Variants in PRKAR1A observed in about 807,000 individuals in gnomAD.
The protein encoded by PRKAR1A is cAMP-dependent protein kinase type I-alpha regulatory subunit.
In PRKAR1A, 3 loss-of-function variants were observed where a neutral mutation model predicts 52.0. The observed-to-expected ratio is 0.06, with a 90% CI of 0.03 to 0.15. The LOEUF is 0.15. Ranked by LOEUF, PRKAR1A falls within the 10% of genes least tolerant of loss-of-function variation. The pLI is 1.00. For missense variants in PRKAR1A, 240 were observed against 477.4 expected, an observed-to-expected ratio of 0.50 and a Z score of 4.63; for synonymous variants, 188 against 168.4, an observed-to-expected ratio of 1.12 and a Z score of -0.90.
rs138878546 is a variant in PRKAR1A at position 68,542,023 on chromosome 17, G to A, written c.974-9061G>A. 5.9e-5 allele frequency: 95 copies of A among 1,613,998 alleles called. No homozygotes were observed. The African/African-American group carries it at 8.7e-4, about 15-fold the overall frequency. On this transcript the variant is annotated intron_variant, in intron 11 of 11. Transcript: ENST00000585981. The stretch of plus-strand genomic sequence containing the variant: ...CCAGTGTGTAGGAGCGGATCCAGGG[G>A]TTGGGCACAGACAGCCTGGGGGCCA...
In PRKAR1A at chr17:68,540,055, G is replaced by A; in HGVS notation, c.973+10054G>A. 5 of 1,124,370 alleles carry A rather than the reference G, an allele frequency of 4.4e-6. No homozygotes were observed. In the South Asian group the frequency reaches 5.1e-5, roughly 12 times the overall value. The allele number at this position is 1,124,370 out of a possible 1,614,324, so 69.6% of individuals were successfully genotyped here. On this transcript the variant is annotated intron_variant, in intron 11 of 11. Transcript: ENST00000585981. ...AGTTCTCTCCAGGGAACGGAGGCCT[G>A]TCATCACTTGAGAGACAGGGGTGTG...
the PRKAR1A span, among the ~76,000 whole-genome samples, chr17:68,496,760 G>A: frequency 2.6e-5 from 4 of 151,686 alleles, no homozygotes; most frequent in African/African-American, 7.3e-5. Context: ...CTAAAAGAAG[G>A]GGTCAACAAA....
At chr17:68,479,170 A>G in the PRKAR1A span, among the ~76,000 whole-genome samples, 3 of 152,224 alleles carry the variant, frequency 2.0e-5, no homozygotes, top group Admixed American at 1.3e-4. Flanking sequence ...TGGTAATTAC[A>G]GCTATTATTT....
At chr17:68,507,238 A>G (rs1250958018), upstream of PRKAR1A, among the ~76,000 whole-genome samples, 2 of 152,248 alleles carry the variant, frequency 1.3e-5, no homozygotes, top group Non-Finnish European at 2.9e-5. Flanking sequence ...GCAAAGACAT[A>G]GAATCAACCC....
At chr17:68,428,777 C>T in the PRKAR1A span, 1 of 1,435,554 alleles carries the variant, frequency 7.0e-7, no homozygotes, top group Non-Finnish European at 9.8e-7. Flanking sequence ...GAAGGGACAA[C>T]TCTACACGAC....
intron 10 of PRKAR1A, 116 bp from the exon 11 acceptor site, chr17:68,530,161 C>T (rs921829870): frequency 1.3e-6 from 2 of 1,496,638 alleles, no homozygotes; most frequent in Non-Finnish European, 1.9e-6. Context: ...GATCTTTACT[C>T]ATTTAATGAA....
the PRKAR1A span, among the ~76,000 whole-genome samples, chr17:68,449,898 C>T: frequency 6.6e-6 from 1 of 152,174 alleles, no homozygotes; most frequent in Non-Finnish European, 1.5e-5. Context: ...GTAGTCCCAG[C>T]TACTCAGGAG....
At chr17:68,450,976 G>C in the PRKAR1A span, 1 of 1,516,534 alleles carries the variant, frequency 6.6e-7, no homozygotes, top group African/African-American at 1.4e-5. Flanking sequence ...CACTGGGCCC[G>C]GCGCAGGCCA....
chr17:68,528,673 T>C (rs745632811), intron 8 of PRKAR1A, 197 bp from the exon 9 acceptor site: 2 of 671,976 alleles, frequency 3.0e-6, no homozygotes, highest in Non-Finnish European at 5.1e-6. Flanking sequence ...GAAGTAAGGA[T>C]CTAAGGGCTA....
At chr17:68,461,805 G>C in the PRKAR1A span, among the ~76,000 whole-genome samples, 1 of 152,100 alleles carries the variant, frequency 6.6e-6, no homozygotes, top group Non-Finnish European at 1.5e-5. This position sits in a 1 kb window ranked among gnomAD's most constrained non-coding sequence, Gnocchi z 4.6. Flanking sequence ...CAAGGAGTCA[G>C]CCCTATGGTG....
the PRKAR1A span, among the ~76,000 whole-genome samples, chr17:68,506,275 C>G: frequency 6.6e-6 from 1 of 151,934 alleles, no homozygotes; most frequent in African/African-American, 2.4e-5. Context: ...AATCCATGCT[C>G]TCTTGCCCAT....
At chr17:68,425,576 G>C in the PRKAR1A span, among the ~76,000 whole-genome samples, 1 of 152,046 alleles carries the variant, frequency 6.6e-6, no homozygotes, top group African/African-American at 2.4e-5. Context: ...CTGCCGGCCA[G>C]AGCTGCAGGT....
the PRKAR1A span, chr17:68,420,591 C>A: frequency 9.1e-7 from 1 of 1,097,504 alleles, no homozygotes; most frequent in Non-Finnish European, 1.3e-6. Context: ...TGGAGTTAGC[C>A]TTGCATATCC....
intron 6 of PRKAR1A, among the ~76,000 whole-genome samples, chr17:68,525,451 GCT>G: frequency 6.6e-6 from 1 of 152,328 alleles, no homozygotes. Flanking sequence ...TTAGCATAGT[GCT>G]CAGCACGGTT....
the PRKAR1A span, among the ~76,000 whole-genome samples, chr17:68,417,203 C>T: frequency 6.6e-6 from 1 of 152,172 alleles, no homozygotes; most frequent in Non-Finnish European, 1.5e-5. Flanking sequence ...TTAGGTGGAA[C>T]AGCTAGAGTG....
downstream of PRKAR1A, chr17:68,536,897 G>A: frequency 4.4e-6 from 2 of 454,132 alleles, no homozygotes; most frequent in Non-Finnish European, 8.8e-6. Flanking sequence ...ATATCTCTAA[G>A]AAGTTACTCC....
At chr17:68,524,189 T>A (rs2143296348) in intron 5 of PRKAR1A, 112 bp downstream of exon 5, 1 of 1,043,432 alleles carries the variant, frequency 9.6e-7, no homozygotes, top group South Asian at 1.4e-5. Context: ...TACCACTTTT[T>A]TTTTTCTGTT....
the PRKAR1A span, among the ~76,000 whole-genome samples, chr17:68,415,753 G>A: frequency 6.6e-6 from 1 of 152,148 alleles, no homozygotes; most frequent in Non-Finnish European, 1.5e-5. Context: ...GTTGGACACG[G>A]CCTTTTACCA....
At chr17:68,540,796 C>G in intron 11 of PRKAR1A, 1 of 1,555,432 alleles carries the variant, frequency 6.4e-7, no homozygotes, top group African/African-American at 1.4e-5. Flanking sequence ...ACGGGGAACC[C>G]TAGCCACATA....
Sources: gnomAD v4.1 joint callset for allele counts (sites outside exome capture counted in the v4.1 genomes callset) on GRCh38, gnomAD v4.1.1 for gene constraint, Gnocchi (gnomAD v3.1) non-coding constraint, MANE v1.5 for transcripts, NCBI Gene and HGNC (gene_info 2026-07-23, HGNC 2026-07-21) for gene names.